Variants in ASCC3 observed in about 807,000 individuals in gnomAD.
The protein encoded by ASCC3 is activating signal cointegrator 1 complex subunit 3.
ASCC3 carries 158 observed loss-of-function variants against 256.3 expected under a neutral mutation model. The ratio of observed to expected loss-of-function variants is 0.62; its 90% confidence interval spans 0.54 to 0.70. The LOEUF (loss-of-function observed/expected upper bound fraction) is 0.70, where lower values mean the gene tolerates loss of function less well. Ranked by LOEUF, ASCC3 falls within the 30% of genes least tolerant of loss-of-function variation. The pLI is 0.00. For missense variants in ASCC3, 2,259 were observed against 2,626.0 expected, an observed-to-expected ratio of 0.86 and a Z score of 3.05; for synonymous variants, 948 against 883.4, an observed-to-expected ratio of 1.07 and a Z score of -1.30.
intron 32 of ASCC3, 34 bp downstream of exon 32, chr6:100,606,706 G>A: frequency 6.3e-7 from 1 of 1,574,986 alleles, no homozygotes; most frequent in Non-Finnish European, 8.6e-7. Flanking sequence ...GTAAAATAGA[G>A]CTTCATGTAT....
At chr6:100,792,487 T>C (rs1197550631) in intron 8 of ASCC3, among the ~76,000 whole-genome samples, 1 of 151,880 alleles carries the variant, frequency 6.6e-6, no homozygotes, top group Non-Finnish European at 1.5e-5. Context: ...GCAACATCCT[T>C]TGTGTGGCAT....
chr6:100,522,497 G>C (rs1774361692), intron 37 of ASCC3, among the ~76,000 whole-genome samples: 1 of 152,088 alleles, frequency 6.6e-6, no homozygotes, highest in Admixed American at 6.6e-5. Flanking sequence ...GTGAAAATGA[G>C]CTCTGGAGAA....
At chr6:100,587,881 G>A (rs1038183746) in intron 36 of ASCC3, among the ~76,000 whole-genome samples, 7 of 152,154 alleles carry the variant, frequency 4.6e-5, no homozygotes, top group Non-Finnish European at 7.3e-5. Context: ...ATTCCCCTGG[G>A]ATTTTAAGGT....
chr6:100,589,033 G>C (rs532901213), intron 36 of ASCC3, among the ~76,000 whole-genome samples: 1 of 152,044 alleles, frequency 6.6e-6, no homozygotes, highest in Non-Finnish European at 1.5e-5. Context: ...AGCCAGAAGG[G>C]GACATTATGT....
At chr6:100,858,273 T>C (rs1773057005) in intron 3 of ASCC3, 1 of 547,172 alleles carries the variant, frequency 1.8e-6, no homozygotes, top group Admixed American at 6.4e-5. Flanking sequence ...TACAGTCATG[T>C]GAAAAATGGA....
chr6:100,571,122 C>A (rs755147846), intron 36 of ASCC3, among the ~76,000 whole-genome samples: 37 of 152,100 alleles, frequency 2.4e-4, no homozygotes, highest in Non-Finnish European at 4.4e-4. Flanking sequence ...GATGATGTCA[C>A]CTCTGCCTCC....
chr6:100,581,403 G>C (rs865795696), intron 36 of ASCC3, among the ~76,000 whole-genome samples: 1 of 151,982 alleles, frequency 6.6e-6, no homozygotes, highest in Non-Finnish European at 1.5e-5. Context: ...GTCTGTTCAT[G>C]TCCTTCACCC....
intron 36 of ASCC3, among the ~76,000 whole-genome samples, chr6:100,558,462 A>G (rs1320918129): frequency 6.6e-6 from 1 of 152,164 alleles, no homozygotes; most frequent in African/African-American, 2.4e-5. Flanking sequence ...AATGTTCTTT[A>G]TGATGATAGA....
At chr6:100,782,195 A>C (rs1321973684) in intron 8 of ASCC3, among the ~76,000 whole-genome samples, 2 of 152,184 alleles carry the variant, frequency 1.3e-5, no homozygotes, top group Non-Finnish European at 1.5e-5. Flanking sequence ...GTATTTCACA[A>C]AGAAGGTTAT....
chr6:100,759,117 C>T (rs1781319306), intron 10 of ASCC3, among the ~76,000 whole-genome samples: 1 of 152,088 alleles, frequency 6.6e-6, no homozygotes, highest in African/African-American at 2.4e-5. Context: ...TGTTTAAGTT[C>T]CTTGTAGATT....
chr6:100,699,196 T>C (rs546431214), intron 13 of ASCC3, among the ~76,000 whole-genome samples: 2 of 152,304 alleles, frequency 1.3e-5, no homozygotes, highest in South Asian at 4.1e-4. Context: ...TGAATCGTAA[T>C]GTAACTCCCA....
At chr6:100,584,157 T>A (rs563152015) in intron 36 of ASCC3, among the ~76,000 whole-genome samples, 2 of 151,512 alleles carry the variant, frequency 1.3e-5, no homozygotes, top group South Asian at 4.2e-4. Flanking sequence ...ACTTTCTGTC[T>A]CGTTGATCTG....
In ASCC3 at chr6:100,605,678, A is replaced by T; in HGVS notation, c.5067T>A (p.Arg1689=). Reference sequence around the variant, plus strand: ...GGTCATCGAACTGCGGCCTCCCAGCACGCCCCATCATCTGGAGGACATCTT... The same window carrying T: ...GGTCATCGAACTGCGGCCTCCCAGCTCGCCCCATCATCTGGAGGACATCTT... The part of the protein sequence containing the change: ...PITDVLQMMG[R]AGRPQFDDQG... The change falls in exon 33 of 42, where the codon CGT becomes CGA. Residue 1689 remains arginine (R), a synonymous_variant. Transcript: ENST00000369162. 6.2e-7 allele frequency: 1 copy of T among 1,613,548 alleles called. No homozygotes were observed. Among genetic ancestry groups the T allele is most frequent in the Non-Finnish European group, 8.5e-7 (1 of 1,179,622 alleles).
chr6:100,766,090 C>T (rs529450685), intron 10 of ASCC3, among the ~76,000 whole-genome samples: 6 of 152,072 alleles, frequency 3.9e-5, no homozygotes, highest in East Asian at 3.9e-4. Context: ...TCATTCATTT[C>T]GTCTAATATA....
chr6:100,849,406 G>C (rs1379721334), intron 3 of ASCC3, among the ~76,000 whole-genome samples: 1 of 152,094 alleles, frequency 6.6e-6, no homozygotes, highest in Admixed American at 6.5e-5. Flanking sequence ...GACTTTTGGA[G>C]CTTCAAGGAA....
At chr6:100,652,513 G>A in intron 18 of ASCC3, among the ~76,000 whole-genome samples, 1 of 152,080 alleles carries the variant, frequency 6.6e-6, no homozygotes, top group Admixed American at 6.6e-5. Context: ...TTTATTGCTT[G>A]GGATACACTC....
At chr6:100,731,679 G>A (rs1048877638) in intron 10 of ASCC3, among the ~76,000 whole-genome samples, 2 of 152,152 alleles carry the variant, frequency 1.3e-5, no homozygotes, top group African/African-American at 4.8e-5. Flanking sequence ...ATAGAGAACA[G>A]GTTTCCTTCA....
rs181763994 is a variant in ASCC3 at position 100,812,170 on chromosome 6, C to T, written c.802-6290G>A. ...TGATTTAAAAAGAAAAATAAGCAAG[C>T]AGGCAACAATAACTAGCCCCAGTGG... On this transcript the variant is annotated intron_variant, in intron 4 of 41. Transcript: ENST00000369162. Among the ~76,000 whole-genome samples, 32 of 152,224 alleles carry T rather than the reference C, an allele frequency of 2.1e-4. 1 individual carries two copies. Among genetic ancestry groups the T allele is most frequent in the African/African-American group, 7.5e-4 (31 of 41,556 alleles).
chr6:100,832,773 CA>C (rs1771684574), intron 4 of ASCC3, among the ~76,000 whole-genome samples: 1 of 151,800 alleles, frequency 6.6e-6, no homozygotes, highest in African/African-American at 2.4e-5. Context: ...ATCCCACAGA[CA>C]ATATAAAAGG....
Sources: gnomAD v4.1 joint callset for allele counts (sites outside exome capture counted in the v4.1 genomes callset) on GRCh38, gnomAD v4.1.1 for gene constraint, MANE v1.5 for transcripts, NCBI Gene and HGNC (gene_info 2026-07-23, HGNC 2026-07-21) for gene names.